Variants in TMEM233 observed in about 807,000 individuals in gnomAD.
TMEM233 encodes the protein transmembrane protein 233, also known as dispanin subfamily B member 2.
Under a neutral mutation model 11.2 loss-of-function variants are expected in TMEM233, and 6 were observed. The ratio of observed to expected loss-of-function variants is 0.54; its 90% CI spans 0.29 to 1.06. The LOEUF is 1.06. TMEM233 is among the 50% of genes least tolerant of loss of function. The pLI, the probability that TMEM233 is intolerant of heterozygous loss-of-function variation, is 0.08. For synonymous variants in TMEM233, 59 were observed against 55.8 expected (o/e 1.06, Z -0.26); for missense variants, 127 against 144.7 (o/e 0.88, Z 0.63).
chr12:119,624,787 T>C lies in TMEM233; in HGVS notation c.187-4949T>C, dbSNP rs189057255. On this transcript the variant is annotated intron_variant, in intron 1 of 2. Coordinates refer to ENST00000426426, the MANE Select transcript of TMEM233 (RefSeq NM_001136534.3). ...TCATGGTTGCACAGCAATGCGAATGTACATAATGCCACTAAACAGTATACT... is the reference window on the plus strand; with the variant it reads ...TCATGGTTGCACAGCAATGCGAATGCACATAATGCCACTAAACAGTATACT... Among the ~76,000 whole-genome samples the C allele has an allele frequency of 3.0e-4, 46 of 152,284 alleles. No homozygotes were observed. In the East Asian group the frequency reaches 8.5e-3, roughly 28 times the overall value.
At chr12:119,605,197 T>G (rs986187248) in intron 1 of TMEM233, among the ~76,000 whole-genome samples, 1 of 152,068 alleles carries the variant, frequency 6.6e-6, no homozygotes, top group African/African-American at 2.4e-5. Flanking sequence ...ATTATAACAT[T>G]TATACATTTG....
At chr12:119,628,562 C>T (rs1041205951) in intron 1 of TMEM233, among the ~76,000 whole-genome samples, 6 of 129,238 alleles carry the variant, frequency 4.6e-5, no homozygotes, top group East Asian at 4.6e-4. Context: ...TGCAGTGGCA[C>T]GATCTTGGCT....
chr12:119,646,163 T>A (rs541843471), downstream of TMEM233, among the ~76,000 whole-genome samples: 1 of 150,952 alleles, frequency 6.6e-6, no homozygotes, highest in Non-Finnish European at 1.5e-5. Context: ...GTTCAAGCAA[T>A]TCTTCTGCCT....
chr12:119,641,698 A>G lies in TMEM233; in HGVS notation c.*993A>G, dbSNP rs1379283567. On this transcript the variant is annotated 3_prime_UTR_variant, in exon 3 of 3. Transcript: ENST00000426426. ...AGTAACCCAGTGTCTCACAGAGCAC[A>G]AGGGGTGTGCCACTGGTGGTACACA... 6.6e-6 allele frequency: 1 copy of G among 152,244 alleles called. No homozygotes were observed. The highest frequency in any genetic ancestry group is 1.5e-5 in the Non-Finnish European group (1 of 68,042). The allele number at this position is 152,244 out of a possible 1,614,324, so 9.4% of individuals were successfully genotyped here.
chr12:119,645,353 C>T (rs1368854116), downstream of TMEM233, among the ~76,000 whole-genome samples: 1 of 117,678 alleles, frequency 8.5e-6, no homozygotes, highest in African/African-American at 3.1e-5. Context: ...TGTAAGATAA[C>T]GTTCATACTC....
Position 119,641,465 on chromosome 12 carries a change from A to G in TMEM233, c.*760A>G, listed in dbSNP as rs1955082198. ...GCACTTCCTGTATCCCAGTTTTGGGAATAAACTGGCTGTATTTATAGAATG... is the reference window on the plus strand; with the variant it reads ...GCACTTCCTGTATCCCAGTTTTGGGGATAAACTGGCTGTATTTATAGAATG... On this transcript the variant is annotated 3_prime_UTR_variant, in exon 3 of 3. Coordinates refer to ENST00000426426, the MANE Select transcript of TMEM233 (RefSeq NM_001136534.3). 1 of 149,294 alleles carries G rather than the reference A, an allele frequency of 6.7e-6. No homozygotes were observed. The highest frequency in any genetic ancestry group is 1.5e-5 in the Non-Finnish European group (1 of 67,548). 9.2% of individuals were successfully genotyped at this position (149,294 alleles called of 1,614,324 possible). A position where few individuals can be genotyped will look rare whatever the true frequency, so the allele number is the denominator to read the frequency against.
At chr12:119,612,521 G>A (rs1370502007) in intron 1 of TMEM233, among the ~76,000 whole-genome samples, 1 of 152,116 alleles carries the variant, frequency 6.6e-6, no homozygotes, top group Non-Finnish European at 1.5e-5. Context: ...GGCTGAGGCA[G>A]GCGGATCACG....
At chr12:119,653,465 A>T in the TMEM233 span, among the ~76,000 whole-genome samples, 1 of 151,972 alleles carries the variant, frequency 6.6e-6, no homozygotes, top group East Asian at 1.9e-4. Context: ...AAGAGAAAAA[A>T]TAGTTAATAG....
the TMEM233 span, among the ~76,000 whole-genome samples, chr12:119,650,799 C>A: frequency 1.3e-5 from 2 of 152,220 alleles, no homozygotes; most frequent in African/African-American, 4.8e-5. Context: ...TGAGCCACCA[C>A]ACCCAGCTAA....
intron 2 of TMEM233, among the ~76,000 whole-genome samples, chr12:119,633,328 C>G (rs2136785004): frequency 6.6e-6 from 1 of 152,250 alleles, no homozygotes. Flanking sequence ...GCCTATAATC[C>G]TAGCACTTTG....
At chr12:119,621,005 T>C (rs1299165283) in intron 1 of TMEM233, among the ~76,000 whole-genome samples, 1 of 150,506 alleles carries the variant, frequency 6.6e-6, no homozygotes, top group Non-Finnish European at 1.5e-5. Context: ...CTCAGCCTCC[T>C]GAGTAGCTGG....
Position 119,629,741 on chromosome 12 carries a change from G to C in TMEM233, c.192G>C (p.Leu64=). ...TCTTCCCTTCTGTCCCCCAGTCTCT[G>C]AACAGCTACAACGATGGAGACTACG... ...IVALVFSIMS[L]NSYNDGDYEG... is the part of the protein sequence containing the mutation. Residue 64 remains leucine (L), a synonymous_variant, in exon 2 of 3, where the codon CTG becomes CTC. Coordinates refer to ENST00000426426, the MANE Select transcript of TMEM233 (RefSeq NM_001136534.3). 1 of 1,550,686 alleles carries C rather than the reference G, an allele frequency of 6.4e-7. No individual in the cohort carries two copies. The highest frequency in any genetic ancestry group is 8.7e-7 in the Non-Finnish European group (1 of 1,146,556).
At chr12:119,611,185 T>G (rs1385886194) in intron 1 of TMEM233, among the ~76,000 whole-genome samples, 1 of 152,180 alleles carries the variant, frequency 6.6e-6, no homozygotes, top group Non-Finnish European at 1.5e-5. Flanking sequence ...TTTTCTTTGG[T>G]GTAGAGCTAG....
At chr12:119,625,815 GA>G (rs200355510) in intron 1 of TMEM233, among the ~76,000 whole-genome samples, 4 of 150,918 alleles carry the variant, frequency 2.7e-5, no homozygotes, top group African/African-American at 4.9e-5. Context: ...ATCTTCTGTA[GA>G]AAAAAAAATT....
downstream of TMEM233, among the ~76,000 whole-genome samples, chr12:119,646,847 A>T (rs571258490): frequency 4.9e-4 from 75 of 152,270 alleles, 1 homozygote; most frequent in South Asian, 9.1e-3. Flanking sequence ...CCTCTTTACC[A>T]TGTAACCCAA....
At chr12:119,631,547 T>C (rs1266606472) in intron 2 of TMEM233, 1 of 985,276 alleles carries the variant, frequency 1.0e-6, no homozygotes, top group East Asian at 1.1e-4. Context: ...GCCTGCAGGA[T>C]GGCAAATTTG....
chr12:119,636,366 A>G (rs981966865), intron 2 of TMEM233, among the ~76,000 whole-genome samples: 4 of 152,144 alleles, frequency 2.6e-5, no homozygotes, highest in African/African-American at 2.4e-5. Flanking sequence ...CAGGGATCAA[A>G]TATTTCTTAT....
At chr12:119,630,866 A>C (rs554852603) in intron 2 of TMEM233, among the ~76,000 whole-genome samples, 5 of 152,242 alleles carry the variant, frequency 3.3e-5, no homozygotes, top group Non-Finnish European at 7.3e-5. Context: ...TCAAACTAGC[A>C]TAACTGTTTT....
intron 1 of TMEM233, among the ~76,000 whole-genome samples, chr12:119,596,862 TG>T (rs966044991): frequency 5.3e-5 from 8 of 152,198 alleles, no homozygotes; most frequent in Non-Finnish European, 1.2e-4. Context: ...TGTTTTAAGT[TG>T]AGCAAAACTG....
Sources: gnomAD v4.1 joint callset for allele counts (sites outside exome capture counted in the v4.1 genomes callset) on GRCh38, gnomAD v4.1.1 for gene constraint, MANE v1.5 for transcripts, NCBI Gene and HGNC (gene_info 2026-07-23, HGNC 2026-07-21) for gene names.